The following LINGO2 variants were observed in gnomAD, a reference collection of about 807,000 sequenced individuals.
LINGO2 encodes leucine rich repeat and Ig domain containing 2.
In LINGO2, 14 loss-of-function variants were observed where a neutral mutation model predicts 30.6. The observed-to-expected ratio is 0.46, with a 90% CI of 0.30 to 0.72. LINGO2 has a LOEUF of 0.72. LINGO2 is among the 30% of genes least tolerant of loss of function. The pLI is 0.07. For missense variants in LINGO2, 729 were observed against 751.7 expected, an observed-to-expected ratio of 0.97 and a Z score of 0.35; for synonymous variants, 317 against 288.5, an observed-to-expected ratio of 1.10 and a Z score of -1.00.
intron 4 of LINGO2, among the ~76,000 whole-genome samples, chr9:28,252,475 T>C (rs948304406): frequency 6.6e-6 from 1 of 152,058 alleles, no homozygotes. Context: ...TCTGCCCCCC[T>C]TGGCCTCCCA....
At chr9:28,948,719 G>A in the LINGO2 span, among the ~76,000 whole-genome samples, 1 of 152,122 alleles carries the variant, frequency 6.6e-6, no homozygotes, top group East Asian at 1.9e-4. Context: ...TCTTGGTTAT[G>A]CAAATCACAG....
chr9:28,533,920 T>C (rs1821330792), intron 1 of LINGO2, among the ~76,000 whole-genome samples: 1 of 152,198 alleles, frequency 6.6e-6, no homozygotes, highest in African/African-American at 2.4e-5. Context: ...TTTGGACTGC[T>C]AGGTTACAAA....
chr9:28,071,040 T>C (rs955170221), intron 4 of LINGO2, among the ~76,000 whole-genome samples: 10 of 152,172 alleles, frequency 6.6e-5, no homozygotes, highest in African/African-American at 1.9e-4. Flanking sequence ...ATAAAGTATA[T>C]TGAGGAAGAT....
the LINGO2 span, among the ~76,000 whole-genome samples, chr9:29,172,446 G>T: frequency 6.6e-6 from 1 of 151,798 alleles, no homozygotes; most frequent in Non-Finnish European, 1.5e-5. Flanking sequence ...TATTTAGTCA[G>T]ATTAAGTAAT....
intron 4 of LINGO2, among the ~76,000 whole-genome samples, chr9:28,275,180 T>C (rs1823073319): frequency 6.6e-6 from 1 of 152,102 alleles, no homozygotes. Context: ...GCCATTCTCC[T>C]GCCTCAGCCT....
At chr9:28,054,482 G>A (rs375857398) in intron 4 of LINGO2, among the ~76,000 whole-genome samples, 3 of 152,058 alleles carry the variant, frequency 2.0e-5, no homozygotes, top group South Asian at 2.1e-4. Flanking sequence ...CTAGACCTTA[G>A]CTAACGTAGT....
chr9:29,148,012 A>G, the LINGO2 span, among the ~76,000 whole-genome samples: 4 of 152,118 alleles, frequency 2.6e-5, no homozygotes, highest in Non-Finnish European at 4.4e-5. Context: ...ATCTGATGCT[A>G]TATCTGAAGA....
the LINGO2 span, among the ~76,000 whole-genome samples, chr9:28,851,593 G>A: frequency 6.6e-6 from 1 of 151,990 alleles, no homozygotes; most frequent in Admixed American, 6.6e-5. Flanking sequence ...CCATGATTCT[G>A]CCTATCACCT....
chr9:28,105,479 A>G (rs1174877317), intron 4 of LINGO2, among the ~76,000 whole-genome samples: 1 of 152,188 alleles, frequency 6.6e-6, no homozygotes, highest in East Asian at 1.9e-4. Context: ...TAAGAAAAAT[A>G]TCCAGCAGTG....
chr9:28,876,358 T>A, the LINGO2 span, among the ~76,000 whole-genome samples: 2 of 152,030 alleles, frequency 1.3e-5, no homozygotes, highest in African/African-American at 2.4e-5. Context: ...CATTAACTCC[T>A]CATTTAGCAT....
intron 1 of LINGO2, among the ~76,000 whole-genome samples, chr9:28,501,654 C>T (rs1819891005): frequency 6.6e-6 from 1 of 152,032 alleles, no homozygotes; most frequent in African/African-American, 2.4e-5. Context: ...ACCTGTCTAC[C>T]TATGTTCTGT....
At chr9:28,314,060 G>A (rs964127849) in intron 3 of LINGO2, among the ~76,000 whole-genome samples, 15 of 152,038 alleles carry the variant, frequency 9.9e-5, no homozygotes, top group East Asian at 1.9e-4. Flanking sequence ...TCAGCCTCCC[G>A]CGTAGCTGGG....
chr9:28,607,157 A>G (rs1825729604), intron 1 of LINGO2, among the ~76,000 whole-genome samples: 1 of 152,088 alleles, frequency 6.6e-6, no homozygotes, highest in Non-Finnish European at 1.5e-5. Flanking sequence ...ATTGGTGACC[A>G]GAAAGAAAAA....
chr9:28,000,095 A>G (rs952174456), intron 5 of LINGO2, among the ~76,000 whole-genome samples: 2 of 152,178 alleles, frequency 1.3e-5, no homozygotes, highest in African/African-American at 4.8e-5. Flanking sequence ...AACAGGATAA[A>G]CTCAGTGAAA....
intron 1 of LINGO2, among the ~76,000 whole-genome samples, chr9:28,638,830 T>A (rs1048469245): frequency 5.3e-5 from 8 of 152,180 alleles, no homozygotes; most frequent in African/African-American, 1.4e-4. Context: ...TCAGTTCTGC[T>A]CTGATCTTAG....
chr9:27,971,438 G>A (rs956211707), intron 5 of LINGO2, among the ~76,000 whole-genome samples: 13 of 152,118 alleles, frequency 8.5e-5, no homozygotes, highest in African/African-American at 2.9e-4. Flanking sequence ...CTGGAGTGCG[G>A]TGGCCATGAT....
chr9:29,169,262 CA>C, the LINGO2 span, among the ~76,000 whole-genome samples: 2 of 151,946 alleles, frequency 1.3e-5, no homozygotes, highest in South Asian at 4.1e-4. Flanking sequence ...AACTCTGTTT[CA>C]AAAAAACTTC....
chr9:28,192,485 T>C (rs1015066656), intron 4 of LINGO2, among the ~76,000 whole-genome samples: 9 of 152,144 alleles, frequency 5.9e-5, no homozygotes, highest in African/African-American at 2.2e-4. Flanking sequence ...TTATCAGTGA[T>C]TGCAATTCTT....
the LINGO2 span, among the ~76,000 whole-genome samples, chr9:28,994,436 A>G: frequency 1.3e-5 from 2 of 151,892 alleles, no homozygotes; most frequent in Non-Finnish European, 2.9e-5. Context: ...GAAAATGGCC[A>G]TACTGCCCAA....
Sources: allele counts gnomAD v4.1 joint callset (sites outside exome capture counted in the v4.1 genomes callset), GRCh38; gene constraint gnomAD v4.1.1; transcripts MANE v1.5; gene names NCBI Gene and HGNC (gene_info 2026-07-23, HGNC 2026-07-21).